Variants in SORCS2 observed in about 807,000 individuals in gnomAD.
The protein encoded by SORCS2 is VPS10 domain-containing receptor SorCS2.
A neutral mutation model predicts 141.6 loss-of-function variants in SORCS2; 100 were observed. The observed-to-expected ratio is 0.71, with a 90% CI of 0.60 to 0.83. SORCS2 has a LOEUF of 0.83. Among genes scored for constraint, SORCS2 ranks in the 40% least tolerant of loss-of-function variants. The pLI, the probability that SORCS2 is intolerant of heterozygous loss-of-function variation, is 0.00. For synonymous variants in SORCS2, 789 were observed against 676.9 expected (o/e 1.17, Z -2.57); for missense variants, 1,646 against 1,560.2 (o/e 1.05, Z -0.93).
At chr4:7,385,219 C>G (rs1723218748) in intron 1 of SORCS2, among the ~76,000 whole-genome samples, 1 of 152,182 alleles carries the variant, frequency 6.6e-6, no homozygotes, top group African/African-American at 2.4e-5. Context: ...GCTTTTTGAG[C>G]CTAATGTGAT....
intron 4 of SORCS2, among the ~76,000 whole-genome samples, chr4:7,639,138 C>CT (rs1255226767): frequency 6.6e-6 from 1 of 152,200 alleles, no homozygotes; most frequent in Non-Finnish European, 1.5e-5. Context: ...TAGGAAAGGA[C>CT]TTTGTTCCTT....
In SORCS2 at chr4:7,682,888, C is replaced by G. The variant is rs758361181; in HGVS notation, c.1487C>G (p.Pro496Arg). 1.2e-6 allele frequency: 2 copies of G among 1,613,184 alleles called. No individual in the cohort carries two copies. Residue 496 changes from proline to arginine, a missense_variant and splice_region_variant, in exon 10 of 27, where the codon CCT becomes CGT. Physicochemically the swap from Pro to Arg is moderately radical, Grantham distance 103 (BLOSUM62 -2). Coordinates refer to ENST00000507866, the MANE Select transcript of SORCS2 (RefSeq NM_020777.3). ...DMNGKPTNCKPPDCHLHLHLR... is the reference protein window; with the variant it reads ...DMNGKPTNCKRPDCHLHLHLR... ...AATGGAAAACCAACCAACTGCAAGC[C>G]TGTAAGTACCTCTGCTCACATCACA...
chr4:7,197,758 G>A (rs1727255961), intron 1 of SORCS2, among the ~76,000 whole-genome samples: 1 of 152,214 alleles, frequency 6.6e-6, no homozygotes, highest in Non-Finnish European at 1.5e-5. Context: ...CCAGATGTGA[G>A]GCTGAAGAGT....
At chr4:7,480,194 C>G (rs948156247) in intron 2 of SORCS2, among the ~76,000 whole-genome samples, 2 of 152,162 alleles carry the variant, frequency 1.3e-5, no homozygotes, top group African/African-American at 4.8e-5. Context: ...TGCCCTGAAG[C>G]AGGGACATGT....
chr4:7,445,404 G>T lies in SORCS2; in HGVS notation c.548+49049G>T, dbSNP rs544549355. ...GGGGGCTGCTGGATTCACAGCCCAA[G>T]ATGTGGGAGGGCATCCTGGGAAGAG... is the stretch of plus-strand genomic sequence containing the variant. On this transcript the variant is annotated intron_variant, in intron 2 of 26. Transcript: ENST00000507866. Among the ~76,000 whole-genome samples the T allele has an allele frequency of 3.3e-5, 5 of 152,292 alleles. No individual in the cohort carries two copies. The East Asian group carries it at 9.7e-4, about 29-fold the overall frequency.
chr4:7,276,767 C>G (rs1715526315), intron 1 of SORCS2, among the ~76,000 whole-genome samples: 1 of 152,202 alleles, frequency 6.6e-6, no homozygotes, highest in Admixed American at 6.5e-5. Context: ...CTGTCTACTT[C>G]CCCTCCGGAA....
chr4:7,238,791 CT>C (rs1712475613), intron 1 of SORCS2, among the ~76,000 whole-genome samples: 2 of 152,228 alleles, frequency 1.3e-5, no homozygotes, highest in South Asian at 4.1e-4. Flanking sequence ...TGGCTGACCC[CT>C]GTCCGCCAGC....
intron 19 of SORCS2, among the ~76,000 whole-genome samples, chr4:7,724,748 A>ATGGTGG (rs1223278868): frequency 1.3e-5 from 1 of 76,892 alleles, no homozygotes; most frequent in African/African-American, 7.8e-5. Flanking sequence ...AGTAGTGGTG[A>ATGGTGG]TGGTGGTGGT....
chr4:7,640,386 G>C (rs1560448379), intron 4 of SORCS2, among the ~76,000 whole-genome samples: 1 of 147,970 alleles, frequency 6.8e-6, no homozygotes, highest in African/African-American at 2.6e-5. Flanking sequence ...ACATGAGTGT[G>C]TGGGTGTGTG....
At chr4:7,676,281 G>A (rs1249748162) in intron 9 of SORCS2, 52 bp downstream of exon 9, 2 of 1,525,658 alleles carry the variant, frequency 1.3e-6, no homozygotes, top group Admixed American at 2.0e-5. Context: ...CCTGCCCTCT[G>A]CCCTCTCACC....
chr4:7,698,289 C>T (rs536604359), intron 12 of SORCS2, among the ~76,000 whole-genome samples: 20 of 152,336 alleles, frequency 1.3e-4, no homozygotes, highest in Admixed American at 7.2e-4. Flanking sequence ...GTGTTTTACA[C>T]GCCCGAGTAC....
At position 7,648,847 on chromosome 4, in the gene SORCS2, G is replaced by C. The variant is rs968329720; in HGVS notation, c.814-5287G>C. Among the ~76,000 whole-genome samples the C allele has an allele frequency of 5.9e-5, 9 of 152,104 alleles. No individual in the cohort carries two copies. Among genetic ancestry groups the C allele is most frequent in the Middle Eastern group, 3.4e-3 (1 of 294 alleles). ...AAACCAGGGACAGGTGCCAGGGCAG[G>C]CCTAGGGAGCAATGGGAGTGGACTG... On this transcript the variant is annotated intron_variant, in intron 4 of 26. Transcript: ENST00000507866. The surrounding 1 kb of genome is among the most constrained non-coding windows in gnomAD (Gnocchi z 4.2).
At chr4:7,687,321 C>A (rs1319999008) in intron 10 of SORCS2, among the ~76,000 whole-genome samples, 1 of 152,162 alleles carries the variant, frequency 6.6e-6, no homozygotes, top group African/African-American at 2.4e-5. Context: ...CTCAGCAAGT[C>A]GCCTCTGTCT....
chr4:7,662,839 C>G (rs1187418031), intron 6 of SORCS2, among the ~76,000 whole-genome samples: 1 of 152,234 alleles, frequency 6.6e-6, no homozygotes, highest in African/African-American at 2.4e-5. Flanking sequence ...CTACTATACC[C>G]AGCGCACAAC....
At chr4:7,228,280 T>TTTTAATGTAATCCTCCC (rs150516684) in intron 1 of SORCS2, among the ~76,000 whole-genome samples, 3,714 of 152,256 alleles carry the variant, frequency 0.024, 149 homozygotes, top group African/African-American at 0.085. Flanking sequence ...GACCACCTTC[T>TTTTAATGTAATCCTCCC]TTTAAAGGTC....
chr4:7,673,713 T>C (rs1263958709), intron 8 of SORCS2, among the ~76,000 whole-genome samples: 3 of 152,216 alleles, frequency 2.0e-5, no homozygotes, highest in Admixed American at 2.0e-4. Context: ...CCAATGCATT[T>C]ACCCAGGTTA....
At chr4:7,644,786 G>A (rs1032063325) in intron 4 of SORCS2, among the ~76,000 whole-genome samples, 14 of 152,170 alleles carry the variant, frequency 9.2e-5, no homozygotes, top group Admixed American at 6.5e-4. Context: ...AGTGGGAGGC[G>A]TGTCCTCACT....
chr4:7,568,072 A>G (rs552351049), intron 3 of SORCS2, among the ~76,000 whole-genome samples: 3 of 152,284 alleles, frequency 2.0e-5, no homozygotes, highest in Non-Finnish European at 4.4e-5. Context: ...AGCATCAACC[A>G]TTTCTCCAAG....
chr4:7,687,278 A>G (rs1205961532), intron 10 of SORCS2, among the ~76,000 whole-genome samples: 2 of 151,990 alleles, frequency 1.3e-5, no homozygotes, highest in Non-Finnish European at 2.9e-5. Flanking sequence ...CAGAAGCCCA[A>G]CCCTGCCTAC....
Sources: gnomAD v4.1 joint callset for allele counts (sites outside exome capture counted in the v4.1 genomes callset) on GRCh38, gnomAD v4.1.1 for gene constraint, Gnocchi (gnomAD v3.1) non-coding constraint, MANE v1.5 for transcripts, NCBI Gene and HGNC (gene_info 2026-07-23, HGNC 2026-07-21) for gene names.